Variants in MACROH2A1 observed in about 807,000 individuals in gnomAD.
MACROH2A1 encodes the protein core histone macro-H2A.1.
In MACROH2A1, 2 loss-of-function variants were observed where a neutral mutation model predicts 31.6. The observed-to-expected ratio is 0.06, with a 90% CI of 0.03 to 0.20. The LOEUF is 0.20. Among genes scored for constraint, MACROH2A1 ranks in the 10% least tolerant of loss-of-function variants. The probability of loss-of-function intolerance (pLI) is 1.00; values close to 1 mark genes in which losing one functional copy is unlikely to be tolerated. For synonymous variants in MACROH2A1, 169 were observed against 189.6 expected, an observed-to-expected ratio of 0.89 and a Z score of 0.89; for missense variants, 230 against 474.0, an observed-to-expected ratio of 0.49 and a Z score of 4.78.
At chr5:135,357,624 CATT>C in intron 5 of MACROH2A1, 4 of 356,240 alleles carry the variant, frequency 1.1e-5, no homozygotes, top group Non-Finnish European at 1.6e-5. Flanking sequence ...ACCACTGACA[CATT>C]AGACACATTA....
intron 2 of MACROH2A1, among the ~76,000 whole-genome samples, chr5:135,377,285 C>A (rs1297009990): frequency 2.0e-5 from 3 of 152,198 alleles, no homozygotes; most frequent in Admixed American, 6.5e-5. Flanking sequence ...ACCCACCAAT[C>A]ACTTGCTGTC....
chr5:135,358,781 G>T, intron 5 of MACROH2A1: 1 of 980,894 alleles, frequency 1.0e-6, no homozygotes, highest in Non-Finnish European at 1.2e-6. Context: ...TCTGAGTAGG[G>T]AACAGTCATT....
chr5:135,358,129 G>A, intron 5 of MACROH2A1: 2 of 984,596 alleles, frequency 2.0e-6, no homozygotes, highest in Non-Finnish European at 2.4e-6. Context: ...CTGTGTGTTA[G>A]TTTCATGATT....
chr5:135,357,624 C>G (rs1762333293), intron 5 of MACROH2A1: 3 of 356,122 alleles, frequency 8.4e-6, no homozygotes, highest in African/African-American at 6.6e-5. Context: ...ACCACTGACA[C>G]ATTAGACACA....
At chr5:135,383,567 C>G (rs1173810059) in intron 2 of MACROH2A1, among the ~76,000 whole-genome samples, 1 of 151,990 alleles carries the variant, frequency 6.6e-6, no homozygotes, top group Non-Finnish European at 1.5e-5. Context: ...TAGCTGTAAG[C>G]CCCTGGCTCC....
rs1421085861 is a variant in MACROH2A1, at chr5:135,338,042, G to A, written c.954-2901C>T. 2.6e-6 allele frequency: 3 copies of A among 1,132,946 alleles called. No homozygotes were observed. The South Asian group carries it at 5.6e-5, about 21-fold the overall frequency. 70.2% of individuals were successfully genotyped at this position (1,132,946 alleles called of 1,614,324 possible). On this transcript the variant is annotated intron_variant, in intron 8 of 8. Coordinates refer to ENST00000511689, the MANE Select transcript of MACROH2A1 (RefSeq NM_138610.3). ...ACGGCTTTCCTAACGTTTTCTGGTG[G>A]GCCTCAAAATGTCTTGCTGCCAGTT...
At chr5:135,390,386 G>A (rs1259293990) in intron 1 of MACROH2A1, among the ~76,000 whole-genome samples, 1 of 152,218 alleles carries the variant, frequency 6.6e-6, no homozygotes, top group Non-Finnish European at 1.5e-5. Context: ...TTTACTTGGA[G>A]CATCCTGTTC....
intron 2 of MACROH2A1, among the ~76,000 whole-genome samples, chr5:135,374,854 A>G (rs1764644952): frequency 6.6e-6 from 1 of 152,204 alleles, no homozygotes. Flanking sequence ...AATGGAATCC[A>G]TAAGAAACCA....
intron 8 of MACROH2A1, among the ~76,000 whole-genome samples, chr5:135,342,040 G>A (rs1177342826): frequency 6.6e-6 from 1 of 152,200 alleles, no homozygotes; most frequent in Non-Finnish European, 1.5e-5. Context: ...GGCTCCTCTT[G>A]GGCGCAAGTT....
chr5:135,381,043 G>A (rs1000569368), intron 2 of MACROH2A1, among the ~76,000 whole-genome samples: 2 of 152,118 alleles, frequency 1.3e-5, no homozygotes, highest in African/African-American at 4.8e-5. Flanking sequence ...AACAGATAAA[G>A]CAGAAAATAA....
At chr5:135,345,947 A>C (rs1760771753) in intron 7 of MACROH2A1, 21 bp downstream of exon 7, 1 of 1,520,976 alleles carries the variant, frequency 6.6e-7, no homozygotes. Flanking sequence ...CCAGATAAGC[A>C]CGGTGGCTTT....
At chr5:135,360,667 G>C in intron 4 of MACROH2A1, 60 bp from the exon 5 acceptor site, 2 of 1,188,632 alleles carry the variant, frequency 1.7e-6, no homozygotes, top group Non-Finnish European at 2.5e-6. Context: ...CTAATAGAGA[G>C]GCAGCTCCCA....
intron 2 of MACROH2A1, among the ~76,000 whole-genome samples, chr5:135,372,497 G>A (rs994496869): frequency 2.6e-5 from 4 of 152,250 alleles, no homozygotes; most frequent in East Asian, 3.8e-4. Context: ...ATCATTGATC[G>A]TGGTAGTGTC....
chr5:135,395,838 C>A (rs147310469), intron 1 of MACROH2A1, among the ~76,000 whole-genome samples: 189 of 152,306 alleles, frequency 1.2e-3, no homozygotes, highest in Non-Finnish European at 2.1e-3. Context: ...GATTAAAGAA[C>A]CTACAGTCCA....
At chr5:135,337,776 C>T (rs989893867) in intron 8 of MACROH2A1, among the ~76,000 whole-genome samples, 1 of 152,184 alleles carries the variant, frequency 6.6e-6, no homozygotes, top group African/African-American at 2.4e-5. Context: ...ACTTGCAGTG[C>T]CCACACCTGC....
At position 135,360,491 on chromosome 5, in the gene MACROH2A1, G is replaced by C. The variant is rs1762702209; in HGVS notation, c.588+6C>G. ...TCGAGTAGACTGAGGCCGCGCATCTGCCTACCTTCTGGCCAAGGAAGAGGC... is the reference window on the plus strand; with the variant it reads ...TCGAGTAGACTGAGGCCGCGCATCTCCCTACCTTCTGGCCAAGGAAGAGGC... On this transcript the variant is annotated splice_donor_region_variant and intron_variant, in intron 5 of 8. Transcript: ENST00000511689. 2 of 1,581,060 alleles carry C rather than the reference G, an allele frequency of 1.3e-6. No individual in the cohort carries two copies. The highest frequency in any genetic ancestry group is 2.2e-5 in the South Asian group (2 of 90,424).
intron 4 of MACROH2A1, chr5:135,361,033 C>T: frequency 3.1e-6 from 1 of 318,092 alleles, no homozygotes; most frequent in Non-Finnish European, 6.1e-6. Context: ...AGGACTATAA[C>T]CCTCTAACCT....
At chr5:135,390,370 C>T (rs1767049938) in intron 1 of MACROH2A1, among the ~76,000 whole-genome samples, 1 of 152,184 alleles carries the variant, frequency 6.6e-6, no homozygotes, top group South Asian at 2.1e-4. Context: ...TCCAAGGTCT[C>T]GAATGTTTAC....
intron 4 of MACROH2A1, among the ~76,000 whole-genome samples, chr5:135,364,376 G>A (rs1290302702): frequency 7.1e-6 from 1 of 141,726 alleles, no homozygotes; most frequent in African/African-American, 3.2e-5. Flanking sequence ...GTATACATAT[G>A]TAACACACCT....
Sources: allele counts gnomAD v4.1 joint callset (sites outside exome capture counted in the v4.1 genomes callset), GRCh38; gene constraint gnomAD v4.1.1; transcripts MANE v1.5; gene names NCBI Gene and HGNC (gene_info 2026-07-23, HGNC 2026-07-21).